Variants in ACSL5 observed in about 807,000 individuals in gnomAD.
The protein encoded by ACSL5 is long-chain-fatty-acid--CoA ligase 5.
A neutral mutation model predicts 84.9 loss-of-function variants in ACSL5; 50 were observed. The observed-to-expected ratio is 0.59, with a 90% CI of 0.47 to 0.75. The LOEUF is 0.75. Ranked by LOEUF, ACSL5 falls within the 30% of genes least tolerant of loss-of-function variation. The probability of loss-of-function intolerance (pLI) is 0.00; values close to 1 mark genes in which losing one functional copy is unlikely to be tolerated. For missense variants in ACSL5, 775 were observed against 830.4 expected (o/e 0.93, Z 0.82); for synonymous variants, 280 against 300.7 (o/e 0.93, Z 0.71).
Position 112,422,273 on chromosome 10 carries a change from C to A in ACSL5, c.1477-52C>A, listed in dbSNP as rs1844482780. Reference sequence around the variant, plus strand: ...GCAGGTGTTTCATAAACTGCCCACGCTGGGAGGAGCAGCCTTTGCTATTGT... The same window carrying A: ...GCAGGTGTTTCATAAACTGCCCACGATGGGAGGAGCAGCCTTTGCTATTGT... On this transcript the variant is annotated intron_variant, in intron 16 of 20. Transcript: ENST00000354655. 18 of 1,504,958 alleles carry A rather than the reference C, an allele frequency of 1.2e-5. No individual in the cohort carries two copies. The South Asian group carries it at 2.0e-4, about 16-fold the overall frequency. The allele number at this position is 1,504,958 out of a possible 1,614,324, so 93.2% of individuals were successfully genotyped here.
intron 1 of ACSL5, chr10:112,394,603 C>A: frequency 2.3e-6 from 1 of 439,442 alleles, no homozygotes; most frequent in Non-Finnish European, 3.0e-6. Flanking sequence ...GCTTTGTGCA[C>A]CAACATTAAA....
rs151147514 is a variant in ACSL5 at position 112,403,380 on chromosome 10, C to T, written c.266-1131C>T. Among the ~76,000 whole-genome samples the T allele has an allele frequency of 5.8e-3, 882 of 152,288 alleles. 7 individuals are homozygous for T. Among genetic ancestry groups the T allele is most frequent in the Non-Finnish European group, 8.5e-3 (579 of 68,028 alleles). On this transcript the variant is annotated intron_variant, in intron 3 of 20. Coordinates refer to ENST00000354655, the MANE Select transcript of ACSL5 (RefSeq NM_203379.2). ...TCAACTCATCGCAACTTCCACCTCC[C>T]GGGTGAAGCAATTCTCCTGCCTCAG...
Position 112,426,307 on chromosome 10 carries a change from T to C in ACSL5, c.1787T>C (p.Phe596Ser). ...CCTGACACAGATGTACTTCCCTCAT[T>C]TGCAGCCAAGCTTGGGGTGAAGGGC... ...VVPDTDVLPS[F>S]AAKLGVKGSF... is the part of the protein sequence containing the mutation. The change falls in exon 19 of 21, where the codon TTT becomes TCT. Residue 596 changes from phenylalanine to serine, a missense_variant. Coordinates refer to ENST00000354655, the MANE Select transcript of ACSL5 (RefSeq NM_203379.2). 6.8e-6 allele frequency: 11 copies of C among 1,614,136 alleles called. No individual in the cohort carries two copies. The highest frequency in any genetic ancestry group is 9.3e-6 in the Non-Finnish European group (11 of 1,180,010).
At chr10:112,379,014 C>T (rs1424317572) in intron 1 of ACSL5, among the ~76,000 whole-genome samples, 1 of 152,106 alleles carries the variant, frequency 6.6e-6, no homozygotes, top group Non-Finnish European at 1.5e-5. Context: ...TGTGAGGTTG[C>T]GAGTGGCTCA....
intron 1 of ACSL5, among the ~76,000 whole-genome samples, chr10:112,381,659 C>T (rs1849352416): frequency 1.9e-5 from 2 of 105,986 alleles, no homozygotes; most frequent in African/African-American, 3.8e-5. Flanking sequence ...CAGAGTGAGA[C>T]TGTCTCAAAA....
intron 13 of ACSL5, among the ~76,000 whole-genome samples, chr10:112,417,596 G>T (rs1844348505): frequency 6.6e-6 from 1 of 152,066 alleles, no homozygotes. Flanking sequence ...AGGGGCTGAA[G>T]AATACAAATT....
chr10:112,400,804 G>A (rs992242758), intron 3 of ACSL5, among the ~76,000 whole-genome samples: 1 of 151,876 alleles, frequency 6.6e-6, no homozygotes, highest in African/African-American at 2.4e-5. Flanking sequence ...CCCCCTCCCC[G>A]ACTCCAGCCT....
At chr10:112,427,142 CA>C in intron 20 of ACSL5, 75 bp from the exon 21 acceptor site, 1 of 1,448,798 alleles carries the variant, frequency 6.9e-7, no homozygotes, top group Non-Finnish European at 9.3e-7. Flanking sequence ...TCACTTTCTT[CA>C]CAGAGCACTC....
At chr10:112,391,101 A>G (rs1195178745) in intron 1 of ACSL5, among the ~76,000 whole-genome samples, 1 of 152,254 alleles carries the variant, frequency 6.6e-6, no homozygotes, top group Non-Finnish European at 1.5e-5. Context: ...AGGAAGGGCC[A>G]GGTGCAATGG....
At chr10:112,421,860 A>T in intron 15 of ACSL5, 87 bp from the exon 16 acceptor site, 1 of 1,443,232 alleles carries the variant, frequency 6.9e-7, no homozygotes, top group Non-Finnish European at 9.7e-7. Context: ...TTCCTCTTCT[A>T]GAGTCAATTC....
intron 5 of ACSL5, chr10:112,406,540 A>G (rs1350291028): frequency 4.6e-5 from 7 of 152,258 alleles, no homozygotes; most frequent in Non-Finnish European, 1.0e-4. Flanking sequence ...TTTAAGGCCC[A>G]TCACTAGCAG....
chr10:112,413,231 T>C lies in ACSL5; in HGVS notation c.1007T>C (p.Leu336Pro). 6.2e-7 allele frequency: 1 copy of C among 1,614,234 alleles called. No individual in the cohort carries two copies. Among genetic ancestry groups the C allele is most frequent in the Non-Finnish European group, 8.5e-7 (1 of 1,180,032 alleles). ...VGFFQGDIRL[L>P]ADDMKTLKPT... is the part of the protein sequence containing the mutation. ...TTCTTCCAAGGGGATATTCGGTTGCTGGCTGACGACATGAAGACTTTGAAG... is the reference window on the plus strand; with the variant it reads ...TTCTTCCAAGGGGATATTCGGTTGCCGGCTGACGACATGAAGACTTTGAAG... Residue 336 changes from leucine to proline, a missense_variant, in exon 12 of 21, where the codon CTG becomes CCG. Leu to Pro is a moderately conservative substitution (Grantham distance 98, BLOSUM62 -3). Coordinates refer to ENST00000354655, the MANE Select transcript of ACSL5 (RefSeq NM_203379.2).
intron 18 of ACSL5, 56 bp from the exon 19 acceptor site, chr10:112,426,202 G>C: frequency 7.3e-7 from 1 of 1,366,986 alleles, no homozygotes; most frequent in South Asian, 1.2e-5. Flanking sequence ...AACTACTGGG[G>C]GACATCCCTA....
intron 3 of ACSL5, among the ~76,000 whole-genome samples, chr10:112,400,406 C>CTATTTTTTTT (rs1843853995): frequency 1.0e-5 from 1 of 98,892 alleles, no homozygotes; most frequent in African/African-American, 4.0e-5. Context: ...TTTTTCTTTT[C>CTATTTTTTTT]TTTTTTTTTT....
At chr10:112,390,961 A>G (rs911879016) in intron 1 of ACSL5, among the ~76,000 whole-genome samples, 3 of 152,212 alleles carry the variant, frequency 2.0e-5, no homozygotes, top group African/African-American at 7.2e-5. Flanking sequence ...ATGGTGATGA[A>G]AATGTTTTGG....
chr10:112,392,477 C>T (rs1017449857), intron 1 of ACSL5, among the ~76,000 whole-genome samples: 7 of 151,958 alleles, frequency 4.6e-5, no homozygotes, highest in Non-Finnish European at 8.8e-5. Context: ...TACGGTGGCT[C>T]ACACCTGTAA....
In ACSL5 at chr10:112,413,206, T is replaced by G; in HGVS notation, c.982T>G (p.Phe328Val). ...GTACAGCTGTGGAGCCAGAGTTGGATTCTTCCAAGGGGATATTCGGTTGCT... is the reference window on the plus strand; with the variant it reads ...GTACAGCTGTGGAGCCAGAGTTGGAGTCTTCCAAGGGGATATTCGGTTGCT... ...VVYSCGARVGFFQGDIRLLAD... is the reference protein window; with the variant it reads ...VVYSCGARVGVFQGDIRLLAD... Residue 328 changes from phenylalanine to valine, a missense_variant, in exon 12 of 21, where the codon TTC becomes GTC. Transcript: ENST00000354655. 1 of 1,614,192 alleles carries G rather than the reference T, an allele frequency of 6.2e-7. No individual in the cohort carries two copies.
chr10:112,386,771 T>A (rs1038264233), intron 1 of ACSL5, among the ~76,000 whole-genome samples: 3 of 152,202 alleles, frequency 2.0e-5, no homozygotes, highest in Admixed American at 6.5e-5. Flanking sequence ...TCTAAACTTT[T>A]AAAATATAGG....
At chr10:112,421,781 A>C (rs1844471542) in intron 15 of ACSL5, 116 bp downstream of exon 15, 1 of 1,358,376 alleles carries the variant, frequency 7.4e-7, no homozygotes, top group Non-Finnish European at 1.0e-6. Context: ...GCAAATGCAA[A>C]ATTCAAGTTT....
Sources: gnomAD v4.1 joint callset for allele counts (sites outside exome capture counted in the v4.1 genomes callset) on GRCh38, gnomAD v4.1.1 for gene constraint, MANE v1.5 for transcripts, NCBI Gene and HGNC (gene_info 2026-07-23, HGNC 2026-07-21) for gene names.